Variants in GPC6 observed in about 807,000 individuals in gnomAD.
GPC6 encodes glypican-6.
In GPC6, 14 loss-of-function variants were observed where a neutral mutation model predicts 55.2. That is an observed-to-expected ratio of 0.25 (90% confidence interval 0.17 to 0.40). The LOEUF (loss-of-function observed/expected upper bound fraction) is 0.40. GPC6 is among the 10% of genes least tolerant of loss of function. GPC6 has a pLI of 1.00. For synonymous variants in GPC6, 278 were observed against 259.6 expected (o/e 1.07, Z -0.68); for missense variants, 641 against 708.5 (o/e 0.90, Z 1.08).
intron 2 of GPC6, among the ~76,000 whole-genome samples, chr13:93,804,910 T>C (rs949560935): frequency 2.5e-4 from 38 of 152,182 alleles, no homozygotes; most frequent in African/African-American, 8.9e-4. Context: ...CTCTCCATCC[T>C]AGCAGAGCTG....
chr13:93,947,528 T>A (rs1230157607), intron 3 of GPC6, among the ~76,000 whole-genome samples: 1 of 152,188 alleles, frequency 6.6e-6, no homozygotes, highest in Non-Finnish European at 1.5e-5. Context: ...TTTATCAACA[T>A]GAACAGCAAT....
chr13:93,907,626 T>G (rs1005122752), intron 3 of GPC6, among the ~76,000 whole-genome samples: 1 of 152,106 alleles, frequency 6.6e-6, no homozygotes, highest in African/African-American at 2.4e-5. Context: ...GGTGAAGAAG[T>G]GGACAGAGAT....
chr13:93,481,873 A>C (rs1462211824), intron 1 of GPC6, among the ~76,000 whole-genome samples: 2 of 152,128 alleles, frequency 1.3e-5, no homozygotes. Context: ...TTGTTCTTTT[A>C]CAAGATCATT....
intron 6 of GPC6, among the ~76,000 whole-genome samples, chr13:94,353,370 G>A (rs952384367): frequency 6.6e-6 from 1 of 152,100 alleles, no homozygotes; most frequent in Non-Finnish European, 1.5e-5. Context: ...AGTGTTTGAT[G>A]TGACATGAGA....
chr13:93,326,079 T>A (rs943238575), intron 1 of GPC6, among the ~76,000 whole-genome samples: 1 of 152,136 alleles, frequency 6.6e-6, no homozygotes, highest in African/African-American at 2.4e-5. Context: ...TGGAACCTAG[T>A]GCCCTGAGTG....
intron 4 of GPC6, among the ~76,000 whole-genome samples, chr13:94,087,762 A>G (rs1013727208): frequency 6.6e-6 from 1 of 152,244 alleles, no homozygotes; most frequent in Non-Finnish European, 1.5e-5. Context: ...CCACAGTTCT[A>G]GATTTAATTA....
chr13:93,681,716 A>G (rs1881851699), intron 2 of GPC6, among the ~76,000 whole-genome samples: 2 of 152,324 alleles, frequency 1.3e-5, no homozygotes, highest in African/African-American at 4.8e-5. Context: ...ACATTTTATA[A>G]TGCGAGAAAT....
In GPC6 at chr13:93,227,705, T is replaced by C. The variant is rs954432667; in HGVS notation, c.160+89T>C. 1.0e-5 allele frequency: 11 copies of C among 1,058,802 alleles called. No individual in the cohort carries two copies. The highest frequency in any genetic ancestry group is 1.6e-5 in the African/African-American group (1 of 63,488). The allele number at this position is 1,058,802 out of a possible 1,614,324, so 65.6% of individuals were successfully genotyped here. A position where few individuals can be genotyped will look rare whatever the true frequency, so the allele number is the denominator to read the frequency against. On this transcript the variant is annotated intron_variant, in intron 1 of 8. Transcript: ENST00000377047. This position sits in a 1 kb window ranked among gnomAD's most constrained non-coding sequence, Gnocchi z 4.3. ...CCCGGCGTCCCCTTCCTTCCCCCTGTTGCTGAGTTGGTGCTCACTTTCTGC... is the reference window on the plus strand; with the variant it reads ...CCCGGCGTCCCCTTCCTTCCCCCTGCTGCTGAGTTGGTGCTCACTTTCTGC...
In GPC6 at chr13:93,676,204, T is replaced by TATATGTGTATATATAC. The variant is rs1594363716; in HGVS notation, c.319+130785_319+130786insATGTGTATATATACAT. Among the ~76,000 whole-genome samples, 10 of 132,518 alleles carry TATATGTGTATATATAC rather than the reference T, an allele frequency of 7.5e-5. No individual in the cohort carries two copies. In the South Asian group the frequency reaches 1.5e-3, roughly 20 times the overall value. 86.9% of individuals were successfully genotyped at this position (132,518 alleles called of 152,430 possible). The stretch of plus-strand genomic sequence containing the variant: ...ACACACACACACATATATATGTATG[T>TATATGTGTATATATAC]ATGTATATGTGTATATATACATGTA... On this transcript the variant is annotated intron_variant, in intron 2 of 8. Transcript: ENST00000377047.
intron 3 of GPC6, among the ~76,000 whole-genome samples, chr13:93,970,097 A>C (rs1210292892): frequency 6.6e-6 from 1 of 152,210 alleles, no homozygotes; most frequent in African/African-American, 2.4e-5. Flanking sequence ...GAACAATTTA[A>C]AAAATAAAAA....
intron 3 of GPC6, among the ~76,000 whole-genome samples, chr13:93,903,776 C>T (rs1469244398): frequency 2.6e-5 from 4 of 152,020 alleles, no homozygotes; most frequent in Admixed American, 6.6e-5. Context: ...GCCGTCTAGT[C>T]TCCCCACCCC....
At chr13:93,323,250 G>A (rs755229585) in intron 1 of GPC6, among the ~76,000 whole-genome samples, 3 of 152,030 alleles carry the variant, frequency 2.0e-5, no homozygotes, top group Non-Finnish European at 4.4e-5. Flanking sequence ...CCATTATATA[G>A]TTAAGAAATT....
chr13:94,004,741 AT>A (rs1277063146), intron 3 of GPC6, among the ~76,000 whole-genome samples: 1 of 152,132 alleles, frequency 6.6e-6, no homozygotes, highest in East Asian at 1.9e-4. Context: ...GTTACAATGC[AT>A]GATGAACTAT....
chr13:94,039,395 G>A (rs528208478), intron 4 of GPC6, among the ~76,000 whole-genome samples: 1 of 151,882 alleles, frequency 6.6e-6, no homozygotes, highest in Non-Finnish European at 1.5e-5. Flanking sequence ...AGAAAGGGAG[G>A]CAGCAATAAT....
intron 4 of GPC6, among the ~76,000 whole-genome samples, chr13:94,029,960 G>T (rs1883049793): frequency 6.6e-6 from 1 of 151,812 alleles, no homozygotes. Flanking sequence ...AGCAAGCGTG[G>T]TGGTTCGTCC....
At chr13:93,833,459 TTGAG>T in intron 3 of GPC6, among the ~76,000 whole-genome samples, 1 of 152,278 alleles carries the variant, frequency 6.6e-6, no homozygotes, top group African/African-American at 2.4e-5. Flanking sequence ...GGTCTATTAA[TTGAG>T]TGATTTAGAG....
intron 4 of GPC6, among the ~76,000 whole-genome samples, chr13:94,249,368 C>T (rs1891285286): frequency 6.6e-6 from 1 of 152,078 alleles, no homozygotes; most frequent in South Asian, 2.1e-4. Context: ...AAAAGAGAGA[C>T]TCAAAGGGAT....
intron 2 of GPC6, among the ~76,000 whole-genome samples, chr13:93,577,050 A>G (rs1361571731): frequency 2.0e-5 from 3 of 152,148 alleles, no homozygotes; most frequent in Admixed American, 6.6e-5. Context: ...TGATGCCATG[A>G]TTTCTAGACT....
intron 1 of GPC6, among the ~76,000 whole-genome samples, chr13:93,431,616 C>G (rs1447415132): frequency 6.6e-6 from 1 of 151,996 alleles, no homozygotes; most frequent in Admixed American, 6.6e-5. Context: ...ATTCAAAACA[C>G]ACACATCCTT....
Sources: gnomAD v4.1 joint callset for allele counts (sites outside exome capture counted in the v4.1 genomes callset) on GRCh38, gnomAD v4.1.1 for gene constraint, Gnocchi (gnomAD v3.1) non-coding constraint, MANE v1.5 for transcripts, NCBI Gene and HGNC (gene_info 2026-07-23, HGNC 2026-07-21) for gene names.